Variants in DYNC1LI2 observed in about 807,000 individuals in gnomAD.
DYNC1LI2 encodes the protein dynein cytoplasmic 1 light intermediate chain 2.
Under a neutral mutation model 57.8 loss-of-function variants are expected in DYNC1LI2, and 19 were observed. The ratio of observed to expected loss-of-function variants is 0.33; its 90% CI spans 0.23 to 0.48. DYNC1LI2 has a LOEUF of 0.48. Ranked by LOEUF, DYNC1LI2 falls within the 20% of genes least tolerant of loss-of-function variation. The probability of loss-of-function intolerance (pLI) is 0.99; values close to 1 mark genes in which losing one functional copy is unlikely to be tolerated. For missense variants in DYNC1LI2, 470 were observed against 604.2 expected (o/e 0.78, Z 2.33); for synonymous variants, 256 against 233.4 (o/e 1.10, Z -0.88).
intron 4 of DYNC1LI2, among the ~76,000 whole-genome samples, chr16:66,740,591 T>C (rs994568979): frequency 2.0e-5 from 3 of 152,294 alleles, no homozygotes; most frequent in Non-Finnish European, 2.9e-5. Flanking sequence ...TCTTCCTCCT[T>C]ATAACCAAAC....
Position 66,723,584 on chromosome 16 carries a change from G to A in DYNC1LI2, c.*138C>T. 1.7e-6 allele frequency: 1 copy of A among 584,134 alleles called. No individual in the cohort carries two copies. The highest frequency in any genetic ancestry group is 3.2e-5 in the Admixed American group (1 of 30,894). 36.2% of individuals were successfully genotyped at this position (584,134 alleles called of 1,614,324 possible). A position where few individuals can be genotyped will look rare whatever the true frequency, so the allele number is the denominator to read the frequency against. The stretch of plus-strand genomic sequence containing the variant: ...TTTCACACTCGGACAAGCCAATGAA[G>A]TTTTTTTTTTTTTTTTAAAGTTCAT... On this transcript the variant is annotated 3_prime_UTR_variant, in exon 13 of 13. Transcript: ENST00000258198.
At chr16:66,749,640 G>A (rs2018004552) in intron 2 of DYNC1LI2, among the ~76,000 whole-genome samples, 1 of 152,064 alleles carries the variant, frequency 6.6e-6, no homozygotes, top group Non-Finnish European at 1.5e-5. Context: ...TAAAAGGTAG[G>A]GTTAGTTTCT....
At chr16:66,729,943 A>C (rs1254763281) in intron 8 of DYNC1LI2, among the ~76,000 whole-genome samples, 169 bp downstream of exon 8, 1 of 151,750 alleles carries the variant, frequency 6.6e-6, no homozygotes, top group Non-Finnish European at 1.5e-5. Flanking sequence ...CACCATACCC[A>C]GCTAATTTTT....
chr16:66,744,865 T>C (rs2017907794), intron 3 of DYNC1LI2, among the ~76,000 whole-genome samples: 1 of 150,300 alleles, frequency 6.7e-6, no homozygotes, highest in South Asian at 2.1e-4. Context: ...CGGCCAAATT[T>C]ATAATGTATT....
chr16:66,725,537 G>A (rs988628087), intron 12 of DYNC1LI2, among the ~76,000 whole-genome samples: 2 of 151,968 alleles, frequency 1.3e-5, no homozygotes, highest in African/African-American at 4.8e-5. Flanking sequence ...TACTGGAGAG[G>A]TTCTACAACA....
chr16:66,735,518 AT>A (rs1486778584), intron 5 of DYNC1LI2, among the ~76,000 whole-genome samples: 1 of 149,314 alleles, frequency 6.7e-6, no homozygotes, highest in Non-Finnish European at 1.5e-5. Flanking sequence ...TTTTATTTTT[AT>A]TTTTTGAGAC....
chr16:66,737,504 A>AAAAC (rs2017756082), intron 4 of DYNC1LI2, among the ~76,000 whole-genome samples: 1 of 151,708 alleles, frequency 6.6e-6, no homozygotes, highest in African/African-American at 2.4e-5. Flanking sequence ...AAAAAAAAAA[A>AAAAC]AAAAAATGCT....
Position 66,749,259 on chromosome 16 carries a change from T to C in DYNC1LI2, c.236A>G (p.His79Arg). 1 of 1,614,258 alleles carries C rather than the reference T, an allele frequency of 6.2e-7. No homozygotes were observed. The change falls in exon 3 of 13, where the codon CAT becomes CGT. Residue 79 changes from histidine to arginine, a missense_variant. Coordinates refer to ENST00000258198, the MANE Select transcript of DYNC1LI2 (RefSeq NM_006141.3). ...TLMTKLQGAE[H>R]GKKGRGLEYL... ...TTCTAGGCCTCTTCCTTTTTTGCCA[T>C]GCTCAGCTCCTTGTAGTTTAGTCAT...
chr16:66,738,057 C>A (rs1221915214), intron 4 of DYNC1LI2, among the ~76,000 whole-genome samples: 1 of 152,188 alleles, frequency 6.6e-6, no homozygotes, highest in Non-Finnish European at 1.5e-5. Context: ...TGCTCCTCTT[C>A]ACCCACAGAA....
At chr16:66,730,066 C>T (rs747068258) in intron 8 of DYNC1LI2, 46 bp downstream of exon 8, 28 of 1,552,418 alleles carry the variant, frequency 1.8e-5, no homozygotes, top group Non-Finnish European at 2.3e-5. Context: ...CAGGCATCAG[C>T]CACCGCGCCC....
chr16:66,729,249 T>C (rs2017591236), intron 8 of DYNC1LI2, 150 bp from the exon 9 acceptor site: 7 of 923,500 alleles, frequency 7.6e-6, no homozygotes, highest in Middle Eastern at 4.5e-4. Flanking sequence ...TTTTCTAGCC[T>C]GGCACAGACC....
intron 8 of DYNC1LI2, 98 bp from the exon 9 acceptor site, chr16:66,729,197 A>T: frequency 7.4e-7 from 1 of 1,348,312 alleles, no homozygotes; most frequent in Non-Finnish European, 1.1e-6. Context: ...TCAGGCTTCA[A>T]CACAGGTCTG....
intron 4 of DYNC1LI2, chr16:66,738,370 C>T (rs1243295210): frequency 6.6e-6 from 1 of 150,746 alleles, no homozygotes; most frequent in Non-Finnish European, 1.5e-5. Context: ...GCCTCAGCCT[C>T]CTGAGTAGCT....
At chr16:66,747,148 C>G (rs183900438) in intron 3 of DYNC1LI2, among the ~76,000 whole-genome samples, 3 of 151,344 alleles carry the variant, frequency 2.0e-5, no homozygotes, top group Non-Finnish European at 4.4e-5. Flanking sequence ...GGCACAATCT[C>G]GGTCACCGCA....
intron 8 of DYNC1LI2, 99 bp downstream of exon 8, chr16:66,730,013 T>G: frequency 1.1e-6 from 1 of 938,418 alleles, no homozygotes; most frequent in Non-Finnish European, 1.6e-6. Context: ...ACTCCTGACC[T>G]CATGTGATCT....
intron 4 of DYNC1LI2, among the ~76,000 whole-genome samples, chr16:66,736,960 T>C (rs1389515414): frequency 6.6e-6 from 1 of 152,188 alleles, no homozygotes; most frequent in Non-Finnish European, 1.5e-5. Context: ...CTTACAATAC[T>C]TATCACAGTC....
At position 66,729,571 on chromosome 16, in the gene DYNC1LI2, GTTTTT is replaced by G. The variant is rs11310483; in HGVS notation, c.1042-477_1042-473del. On this transcript the variant is annotated intron_variant, in intron 8 of 12. Transcript: ENST00000258198. ...AATGTGTAAGACCTGTTTCTTTATA[GTTTTT>G]TTTTTTTTTTTTTTTTTGAGATGGA... Among the ~76,000 whole-genome samples the G allele has an allele frequency of 4.5e-3, 426 of 93,694 alleles. 1 individual carries two copies. The highest frequency in any genetic ancestry group is 0.013 in the Middle Eastern group (2 of 158). The allele number at this position is 93,694 out of a possible 152,430, so 61.5% of individuals were successfully genotyped here.
chr16:66,749,495 G>C (rs745522116), intron 2 of DYNC1LI2, among the ~76,000 whole-genome samples, 182 bp from the exon 3 acceptor site: 12 of 152,098 alleles, frequency 7.9e-5, no homozygotes, highest in Non-Finnish European at 1.6e-4. Flanking sequence ...GGGAGGAGAG[G>C]GTGGTAAAGG....
At position 66,727,800 on chromosome 16, in the gene DYNC1LI2, A is replaced by C; in HGVS notation, c.1149T>G (p.Ser383=). 6.2e-7 allele frequency: 1 copy of C among 1,611,080 alleles called. No individual in the cohort carries two copies. The change falls in exon 11 of 13, where the codon TCT becomes TCG. Residue 383 remains serine (S), a synonymous_variant. Transcript: ENST00000258198. ...GAGAGCCAGAGGGTCCTCTTGCAGG[A>C]GATTCCTAAGTCCAAAAGCAGCTAA... ...QPATPTRASE[S]PARGPSGSPR... is the part of the protein sequence containing the mutation.
Sources: allele counts gnomAD v4.1 joint callset (sites outside exome capture counted in the v4.1 genomes callset), GRCh38; gene constraint gnomAD v4.1.1; transcripts MANE v1.5; gene names NCBI Gene and HGNC (gene_info 2026-07-23, HGNC 2026-07-21).